Variants in DIAPH2 observed in about 807,000 individuals in gnomAD.
The protein encoded by DIAPH2 is diaphanous related formin 2, also known as protein diaphanous homolog 2.
Under a neutral mutation model 92.7 loss-of-function variants are expected in DIAPH2, and 35 were observed. That is an observed-to-expected ratio of 0.38 (90% CI 0.29 to 0.50). The LOEUF (loss-of-function observed/expected upper bound fraction) is 0.50. DIAPH2 is among the 20% of genes least tolerant of loss of function. The probability of loss-of-function intolerance (pLI) is 0.94; values close to 1 mark genes in which losing one functional copy is unlikely to be tolerated. For synonymous variants in DIAPH2, 301 were observed against 280.4 expected (o/e 1.07, Z -0.73); for missense variants, 701 against 819.5 (o/e 0.86, Z 1.77).
At chrX:97,215,229 C>T (rs759890753) in intron 22 of DIAPH2, among the ~76,000 whole-genome samples, 1 of 111,506 alleles carries the variant, frequency 9.0e-6, no homozygotes, top group Non-Finnish European at 1.9e-5. Context: ...ATATAGTTTT[C>T]TTGGATATTA....
intron 1 of DIAPH2, among the ~76,000 whole-genome samples, chrX:96,708,535 C>T (rs918508656): frequency 1.8e-5 from 2 of 110,519 alleles, no homozygotes; most frequent in Non-Finnish European, 3.8e-5. Flanking sequence ...CCACCGTGCC[C>T]GTCCCCCACC....
chrX:96,731,985 A>T (rs1383531863), intron 1 of DIAPH2, among the ~76,000 whole-genome samples: 1 of 111,295 alleles, frequency 9.0e-6, no homozygotes, highest in African/African-American at 3.3e-5. Context: ...ATTCAGGGGT[A>T]TGACTCTAAT....
intron 23 of DIAPH2, among the ~76,000 whole-genome samples, chrX:97,297,757 T>C (rs2068658147): frequency 9.0e-6 from 1 of 110,538 alleles, no homozygotes; most frequent in African/African-American, 3.3e-5. Flanking sequence ...ATTATGACTA[T>C]TTTGTTTCCT....
intron 22 of DIAPH2, among the ~76,000 whole-genome samples, chrX:97,178,815 G>A (rs148655462): frequency 6.1e-4 from 68 of 111,285 alleles, no homozygotes; most frequent in African/African-American, 2.2e-3. Flanking sequence ...GGGCAGAGCC[G>A]TTAAGGATGG....
At chrX:96,796,572 C>T (rs1302381182) in intron 4 of DIAPH2, among the ~76,000 whole-genome samples, 1 of 111,518 alleles carries the variant, frequency 9.0e-6, no homozygotes, top group African/African-American at 3.3e-5. Flanking sequence ...TCCACTTGAT[C>T]TCATGTATTG....
chrX:96,832,175 AC>A (rs1214085817), intron 4 of DIAPH2, among the ~76,000 whole-genome samples: 2 of 111,882 alleles, frequency 1.8e-5, no homozygotes, highest in Non-Finnish European at 3.8e-5. Context: ...AATGTATGGA[AC>A]AATCTGCAAA....
At chrX:96,890,371 G>A (rs2065298843) in intron 5 of DIAPH2, among the ~76,000 whole-genome samples, 1 of 111,933 alleles carries the variant, frequency 8.9e-6, no homozygotes, top group Admixed American at 9.5e-5. Flanking sequence ...TGAGAAGAAT[G>A]TTCCTCTATA....
chrX:97,437,785 C>CAA (rs1262065459), intron 26 of DIAPH2, among the ~76,000 whole-genome samples: 1 of 109,528 alleles, frequency 9.1e-6, no homozygotes, highest in African/African-American at 3.4e-5. Flanking sequence ...CACACACACA[C>CAA]ACACACACAC....
At chrX:97,358,501 A>AAAAATTAT (rs1288120120) in intron 24 of DIAPH2, among the ~76,000 whole-genome samples, 1 of 111,855 alleles carries the variant, frequency 8.9e-6, no homozygotes, top group Non-Finnish European at 1.9e-5. Flanking sequence ...ATTTTTTAAA[A>AAAAATTAT]AAAATTATAA....
At chrX:97,289,870 G>A (rs988053143) in intron 23 of DIAPH2, among the ~76,000 whole-genome samples, 3 of 109,924 alleles carry the variant, frequency 2.7e-5, no homozygotes, top group African/African-American at 6.6e-5. Context: ...GACTACACGC[G>A]TGTGCCAGCA....
At chrX:97,190,353 G>T (rs1040948524) in intron 22 of DIAPH2, among the ~76,000 whole-genome samples, 3 of 112,716 alleles carry the variant, frequency 2.7e-5, no homozygotes, top group Non-Finnish European at 3.7e-5. Context: ...AGGTTTAAAG[G>T]TTTTTCTGCG....
rs192900703 is a variant in DIAPH2 at position 96,799,828 on chromosome X, T to G, written c.447+41570T>G. ...ATCTCAAAAATAAAATAAAATGAAA[T>G]AAACCTTTCTTAATTCTAGAAAATT... On this transcript the variant is annotated intron_variant, in intron 4 of 26. Transcript: ENST00000324765. Among the ~76,000 whole-genome samples, 765 of 109,267 alleles carry G rather than the reference T, an allele frequency of 7.0e-3. 6 individuals carry two copies. The highest frequency in any genetic ancestry group is 0.024 in the African/African-American group (738 of 30,293). The allele number at this position is 109,267 out of a possible 115,157, so 94.9% of individuals were successfully genotyped here. A position where few individuals can be genotyped will look rare whatever the true frequency, so the allele number is the denominator to read the frequency against.
rs375403536 is a variant in DIAPH2, at chrX:97,071,306, G to T, written c.2051-1635G>T. Among the ~76,000 whole-genome samples, 7 of 111,225 alleles carry T rather than the reference G, an allele frequency of 6.3e-5. No homozygotes were observed. In the East Asian group the frequency reaches 2.0e-3, roughly 31 times the overall value. On this transcript the variant is annotated intron_variant, in intron 17 of 26. Transcript: ENST00000324765. ...GAAAGATCCTTTGAAGAATATTTGAGATATGTTTTAATGTATTTTAAAACA... is the reference window on the plus strand; with the variant it reads ...GAAAGATCCTTTGAAGAATATTTGATATATGTTTTAATGTATTTTAAAACA...
chrX:97,192,256 T>C (rs1204740867), intron 22 of DIAPH2, among the ~76,000 whole-genome samples: 1 of 91,152 alleles, frequency 1.1e-5, no homozygotes, highest in Non-Finnish European at 2.1e-5. Flanking sequence ...ATTGTGCCAC[T>C]GCACTCCAGC....
intron 17 of DIAPH2, among the ~76,000 whole-genome samples, chrX:96,997,606 A>G (rs1266634593): frequency 1.8e-5 from 2 of 111,546 alleles, no homozygotes; most frequent in Non-Finnish European, 3.8e-5. Context: ...CTGGTTACTA[A>G]TGATTATAGA....
intron 24 of DIAPH2, among the ~76,000 whole-genome samples, chrX:97,376,059 T>G (rs2069497149): frequency 9.1e-6 from 1 of 109,636 alleles, no homozygotes; most frequent in South Asian, 4.0e-4. Context: ...GTGTGCTTTA[T>G]TTTCTGAGTG....
Position 97,584,905 on chromosome X carries a change from C to T in DIAPH2, c.3242-14348C>T, listed in dbSNP as rs148779513. On this transcript the variant is annotated intron_variant, in intron 26 of 26. Transcript: ENST00000324765. ...AATACAACTGATCATGTCCTGAAGA[C>T]GGTACTGACTGTTATGTCACAGTTC... is the stretch of plus-strand genomic sequence containing the variant. Among the ~76,000 whole-genome samples, 1,014 of 112,491 alleles carry T rather than the reference C, an allele frequency of 9.0e-3. 7 individuals carry two copies. The highest frequency in any genetic ancestry group is 0.014 in the Non-Finnish European group (729 of 53,259).
At chrX:96,707,156 G>T (rs993127942) in intron 1 of DIAPH2, among the ~76,000 whole-genome samples, 23 of 108,599 alleles carry the variant, frequency 2.1e-4, no homozygotes, top group African/African-American at 2.7e-4. Flanking sequence ...ATTGATTGAT[G>T]GATTGATTGA....
chrX:97,030,631 C>T (rs1417751044), intron 17 of DIAPH2, among the ~76,000 whole-genome samples: 3 of 111,260 alleles, frequency 2.7e-5, no homozygotes, highest in Non-Finnish European at 5.7e-5. Flanking sequence ...TTTTTACATT[C>T]ATATTTTCAG....
Sources: allele counts gnomAD v4.1 joint callset (sites outside exome capture counted in the v4.1 genomes callset), GRCh38; gene constraint gnomAD v4.1.1; transcripts MANE v1.5; gene names NCBI Gene and HGNC (gene_info 2026-07-23, HGNC 2026-07-21).